Variants in PRRC2C observed in about 807,000 individuals in gnomAD.
PRRC2C encodes protein PRRC2C.
In PRRC2C, 72 loss-of-function variants were observed where a neutral mutation model predicts 317.2. The observed-to-expected ratio is 0.23, with a 90% CI of 0.19 to 0.28. The LOEUF (loss-of-function observed/expected upper bound fraction) is 0.28, where lower values mean the gene tolerates loss of function less well. PRRC2C is among the 10% of genes least tolerant of loss of function. The probability of loss-of-function intolerance (pLI) is 1.00; values close to 1 mark genes in which losing one functional copy is unlikely to be tolerated. For missense variants in PRRC2C, 3,074 were observed against 3,459.7 expected (o/e 0.89, Z 2.80); for synonymous variants, 1,296 against 1,205.9 (o/e 1.07, Z -1.55).
intron 33 of PRRC2C, 93 bp downstream of exon 33, chr1:171,588,598 G>A (rs1304749570): frequency 7.5e-7 from 1 of 1,325,858 alleles, no homozygotes; most frequent in African/African-American, 1.5e-5. Context: ...AACCAGTTAA[G>A]AAGTACAGTT....
At chr1:171,487,593 T>A (rs55842516) in intron 1 of PRRC2C, among the ~76,000 whole-genome samples, 4 of 152,202 alleles carry the variant, frequency 2.6e-5, no homozygotes, top group African/African-American at 9.7e-5. Context: ...GTCGTAGATA[T>A]AATTTTTAAA....
At position 171,590,546 on chromosome 1, in the gene PRRC2C, T is replaced by G. The variant is rs544395593; in HGVS notation, c.8436+941T>G. On this transcript the variant is annotated intron_variant, in intron 34 of 34. Transcript: ENST00000647382. ...AATGCTTTACTCTGAATTAGAAACA[T>G]GTTTATGATAATCCTATTAGAAAAT... Among the ~76,000 whole-genome samples, 7 of 152,330 alleles carry G rather than the reference T, an allele frequency of 4.6e-5. No individual in the cohort carries two copies. In the East Asian group the frequency reaches 1.2e-3, roughly 25 times the overall value.
Position 171,571,315 on chromosome 1 carries a change from T to C in PRRC2C, c.6652-5T>C. On this transcript the variant is annotated splice_region_variant and splice_polypyrimidine_tract_variant and intron_variant, in intron 23 of 34. Transcript: ENST00000647382. ...GATTGTGATATGTGTTGCCTACCTT[T>C]TCAGGTGCCCCTGCCCAACACCCTT... 1 of 1,574,388 alleles carries C rather than the reference T, an allele frequency of 6.4e-7. No homozygotes were observed. Among genetic ancestry groups the C allele is most frequent in the South Asian group, 1.1e-5 (1 of 90,028 alleles).
Position 171,541,729 on chromosome 1 carries a change from G to T in PRRC2C, c.4263G>T (p.Arg1421Ser), listed in dbSNP as rs147829253. The T allele has an allele frequency of 3.1e-6, 5 of 1,613,776 alleles. No homozygotes were observed. Among genetic ancestry groups the T allele is most frequent in the South Asian group, 2.2e-5 (2 of 91,074 alleles). The change falls in exon 16 of 35, where the codon AGG (arginine) becomes AGT (serine). Residue 1421 changes from arginine (R) to serine (S), a missense_variant. Transcript: ENST00000647382. The surrounding 1 kb of genome is among the most constrained non-coding windows in gnomAD (Gnocchi z 4.1). Reference sequence around the variant, plus strand: ...GAAAATTTGACCCAGCTAGAGAAAGGCCTCGAAGGCAGCGTCCTACTCGAC... The same window carrying T: ...GAAAATTTGACCCAGCTAGAGAAAGTCCTCGAAGGCAGCGTCCTACTCGAC... ...FERKFDPARE[R>S]PRRQRPTRPP...
chr1:171,501,502 T>C lies in PRRC2C; in HGVS notation c.-57-10530T>C, dbSNP rs564277853. On this transcript the variant is annotated intron_variant, in intron 1 of 34. Coordinates refer to ENST00000647382, the MANE Select transcript of PRRC2C (RefSeq NM_001387844.1). ...TTTCTTACCAGCATTGCTCAGTCAG[T>C]CATAGAACCTTGAACTTAAAATAAT... Among the ~76,000 whole-genome samples, 3 of 152,256 alleles carry C rather than the reference T, an allele frequency of 2.0e-5. No homozygotes were observed. The East Asian group carries it at 5.8e-4, about 29-fold the overall frequency.
Position 171,557,647 on chromosome 1 carries a change from C to T in PRRC2C, c.5535C>T (p.Ile1845=), listed in dbSNP as rs1198692493. 4 of 1,551,588 alleles carry T rather than the reference C, an allele frequency of 2.6e-6. No individual in the cohort carries two copies. Among genetic ancestry groups the T allele is most frequent in the Non-Finnish European group, 2.6e-6 (3 of 1,146,978 alleles). Residue 1845 remains isoleucine, a synonymous_variant, in exon 19 of 35, where the codon ATC becomes ATT. Coordinates refer to ENST00000647382, the MANE Select transcript of PRRC2C (RefSeq NM_001387844.1). ...APASAPAPTP[I]LASVSTPASV... ...CCTCAGCCCCAGCTCCAACCCCCAT[C>T]CTTGCCTCAGTTTCAACCCCAGCTT... is the stretch of plus-strand genomic sequence containing the variant.
intron 1 of PRRC2C, among the ~76,000 whole-genome samples, chr1:171,492,738 T>TTTTATTTATTTATTTA (rs58061201): frequency 0.066 from 9,473 of 144,254 alleles, 361 homozygotes; most frequent in East Asian, 0.1. Context: ...ATTTTTTTAA[T>TTTTATTTATTTATTTA]TTTATTTATT....
In PRRC2C at chr1:171,540,218, G is replaced by C; in HGVS notation, c.2752G>C (p.Glu918Gln). Residue 918 changes from glutamate (E) to glutamine (Q), a missense_variant, in exon 16 of 35, where the codon GAA (glutamate) becomes CAA (glutamine). Transcript: ENST00000647382. ...APQEERISAV[E>Q]SQPSRKRSVS... ...TCAAGAGGAGCGGATTTCAGCTGTA[G>C]AAAGTCAGCCTTCCCGGAAAAGAAG... The C allele has an allele frequency of 6.2e-7, 1 of 1,613,904 alleles. No homozygotes were observed. Among genetic ancestry groups the C allele is most frequent in the Non-Finnish European group, 8.5e-7 (1 of 1,179,890 alleles).
At chr1:171,522,830 C>G (rs1022754082) in intron 7 of PRRC2C, among the ~76,000 whole-genome samples, 2 of 150,006 alleles carry the variant, frequency 1.3e-5, no homozygotes, top group Admixed American at 1.3e-4. Context: ...TTGTTTTTCT[C>G]TTCTTCCTTT....
chr1:171,522,370 C>A, intron 7 of PRRC2C, 111 bp downstream of exon 7: 1 of 637,598 alleles, frequency 1.6e-6, no homozygotes, highest in Non-Finnish European at 2.8e-6. Flanking sequence ...TTTTCCTATC[C>A]TCACAGTACA....
chr1:171,560,705 G>A (rs1179014329), intron 19 of PRRC2C, among the ~76,000 whole-genome samples: 1 of 152,112 alleles, frequency 6.6e-6, no homozygotes, highest in Non-Finnish European at 1.5e-5. Context: ...AAGACATGAT[G>A]CTATTACCTA....
At chr1:171,513,530 T>C in intron 3 of PRRC2C, 1 of 448,300 alleles carries the variant, frequency 2.2e-6, no homozygotes, top group Non-Finnish European at 4.5e-6. Flanking sequence ...TCTGCCAATT[T>C]ACTGTGTATC....
Position 171,587,609 on chromosome 1 carries a change from A to G in PRRC2C, c.7969-39A>G, listed in dbSNP as rs1265120619. 6 of 1,400,344 alleles carry G rather than the reference A, an allele frequency of 4.3e-6. No individual in the cohort carries two copies. In the East Asian group the frequency reaches 1.4e-4, roughly 32 times the overall value. The allele number at this position is 1,400,344 out of a possible 1,614,324, so 86.7% of individuals were successfully genotyped here. Reference sequence around the variant, plus strand: ...GTAAACACAGCACTTAGCTTGTGGAATTAAAGAAATGTTAAGTTTATTTTA... The same window carrying G: ...GTAAACACAGCACTTAGCTTGTGGAGTTAAAGAAATGTTAAGTTTATTTTA... On this transcript the variant is annotated intron_variant, in intron 31 of 34. Coordinates refer to ENST00000647382, the MANE Select transcript of PRRC2C (RefSeq NM_001387844.1).
intron 18 of PRRC2C, among the ~76,000 whole-genome samples, chr1:171,554,926 G>A (rs1571976446): frequency 6.6e-6 from 1 of 152,148 alleles, no homozygotes; most frequent in African/African-American, 2.4e-5. Context: ...TGGTGAATCT[G>A]ACAATTATGT....
At chr1:171,554,651 G>C (rs930631559) in intron 18 of PRRC2C, among the ~76,000 whole-genome samples, 1 of 152,172 alleles carries the variant, frequency 6.6e-6, no homozygotes, top group Non-Finnish European at 1.5e-5. Flanking sequence ...TTGTAAGGCA[G>C]GCCTGGTGTT....
intron 9 of PRRC2C, 44 bp from the exon 10 acceptor site, chr1:171,524,768 GTACTTATGA>G (rs1482012915): frequency 2.7e-6 from 4 of 1,477,976 alleles, no homozygotes; most frequent in Non-Finnish European, 3.6e-6. Flanking sequence ...AATAATGTGT[GTACTTATGA>G]TACAGTTGGT....
chr1:171,571,752 A>T (rs566095730), intron 24 of PRRC2C, among the ~76,000 whole-genome samples: 1 of 152,346 alleles, frequency 6.6e-6, no homozygotes, highest in East Asian at 1.9e-4. Flanking sequence ...CAAAAAATAA[A>T]ATCTTAATTA....
chr1:171,578,398 T>G (rs1647681909), intron 26 of PRRC2C, among the ~76,000 whole-genome samples: 1 of 151,926 alleles, frequency 6.6e-6, no homozygotes, highest in South Asian at 2.1e-4. Flanking sequence ...CAAAAAATTT[T>G]AAACATTAGC....
rs755238541 is a variant in PRRC2C at position 171,515,903 on chromosome 1, G to A, written c.526+44G>A. 21 of 1,524,472 alleles carry A rather than the reference G, an allele frequency of 1.4e-5. No individual in the cohort carries two copies. In the East Asian group the frequency reaches 4.3e-4, roughly 32 times the overall value. 94.4% of individuals were successfully genotyped at this position (1,524,472 alleles called of 1,614,324 possible). A position where few individuals can be genotyped will look rare whatever the true frequency, so the allele number is the denominator to read the frequency against. ...TAATACAAAATGAGATCATATTTGT[G>A]TATTATCTTGCAATACAACCTCCTG... On this transcript the variant is annotated intron_variant, in intron 5 of 34. Transcript: ENST00000647382.
Sources: allele counts gnomAD v4.1 joint callset (sites outside exome capture counted in the v4.1 genomes callset), GRCh38; gene constraint gnomAD v4.1.1; non-coding constraint Gnocchi (gnomAD v3.1); transcripts MANE v1.5; gene names NCBI Gene and HGNC (gene_info 2026-07-23, HGNC 2026-07-21).